Variants in MAP2K2 observed in about 807,000 individuals in gnomAD.
MAP2K2 encodes the protein mitogen-activated protein kinase kinase 2.
Under a neutral mutation model 43.7 loss-of-function variants are expected in MAP2K2, and 24 were observed. The ratio of observed to expected loss-of-function variants is 0.55; its 90% CI spans 0.40 to 0.77. MAP2K2 has a LOEUF of 0.77. MAP2K2 is among the 30% of genes least tolerant of loss of function. The probability of loss-of-function intolerance (pLI) is 0.00; values close to 1 mark genes in which losing one functional copy is unlikely to be tolerated. For missense variants in MAP2K2, 470 were observed against 566.8 expected (o/e 0.83, Z 1.73); for synonymous variants, 244 against 239.7 (o/e 1.02, Z -0.17).
At chr19:4,113,598 G>A (rs1185744577) in intron 2 of MAP2K2, among the ~76,000 whole-genome samples, 1 of 152,196 alleles carries the variant, frequency 6.6e-6, no homozygotes, top group East Asian at 1.9e-4. Context: ...GCTGCCTCGG[G>A]GAACACTGGA....
intron 10 of MAP2K2, among the ~76,000 whole-genome samples, chr19:4,092,351 C>A (rs2040862050): frequency 6.6e-6 from 1 of 152,184 alleles, no homozygotes; most frequent in Non-Finnish European, 1.5e-5. Context: ...ATAATCTCAG[C>A]ACTCTGGGAG....
chr19:4,117,691 A>G (rs1032044003), intron 1 of MAP2K2, 62 bp from the exon 2 acceptor site: 27 of 1,514,312 alleles, frequency 1.8e-5, no homozygotes, highest in African/African-American at 2.7e-5. Flanking sequence ...GCCGTTTGCT[A>G]TGTGGCCGTG....
chr19:4,110,792 G>C (rs888114345), intron 2 of MAP2K2, 137 bp from the exon 3 acceptor site: 5 of 892,776 alleles, frequency 5.6e-6, no homozygotes, highest in Non-Finnish European at 8.5e-6. Flanking sequence ...CCACCCCTAG[G>C]TGTCTGCCTA....
chr19:4,120,881 C>T (rs1207419917), intron 1 of MAP2K2, among the ~76,000 whole-genome samples: 6 of 145,386 alleles, frequency 4.1e-5, no homozygotes. Flanking sequence ...AACGGGTCCC[C>T]GTGTCTGGCT....
At chr19:4,098,595 C>T (rs941550218) in intron 7 of MAP2K2, among the ~76,000 whole-genome samples, 5 of 152,194 alleles carry the variant, frequency 3.3e-5, no homozygotes, top group South Asian at 4.1e-4. Context: ...AGTGTCCGCT[C>T]GGCCCTCTCT....
rs1320925763 is a variant in MAP2K2 at position 4,115,183 on chromosome 19, C to T, written c.303+2236G>A. On this transcript the variant is annotated intron_variant, in intron 2 of 10. Coordinates refer to ENST00000262948, the MANE Select transcript of MAP2K2 (RefSeq NM_030662.4). This position sits in a 1 kb window ranked among gnomAD's most constrained non-coding sequence, Gnocchi z 4.1. ...CCAAGATGACTGACATCTTACATGA[C>T]GGAAGGACAGTACTGACACCCAGAG... Among the ~76,000 whole-genome samples the T allele has an allele frequency of 2.6e-5, 4 of 152,136 alleles. No individual in the cohort carries two copies. The highest frequency in any genetic ancestry group is 3.9e-4 in the East Asian group (2 of 5,186).
At chr19:4,107,597 C>CCTG (rs1048307901) in intron 3 of MAP2K2, among the ~76,000 whole-genome samples, 1 of 150,658 alleles carries the variant, frequency 6.6e-6, no homozygotes, top group Non-Finnish European at 1.5e-5. Flanking sequence ...GTCCCGGCTA[C>CCTG]CTGGAAGGTT....
At chr19:4,121,041 C>T (rs1458875861) in intron 1 of MAP2K2, among the ~76,000 whole-genome samples, 1 of 152,074 alleles carries the variant, frequency 6.6e-6, no homozygotes, top group African/African-American at 2.4e-5. Flanking sequence ...CACCCGGACC[C>T]CAGCCAAGGG....
chr19:4,105,155 C>CGTGTGTGTGTGTGTGTGTGTGTGTGTGT (rs61710801), intron 3 of MAP2K2, among the ~76,000 whole-genome samples: 1 of 137,688 alleles, frequency 7.3e-6, no homozygotes, highest in African/African-American at 3.0e-5. Flanking sequence ...ACACGTCTAC[C>CGTGTGTGTGTGTGTGTGTGTGTGTGTGT]GTGTGTGTGT....
intron 9 of MAP2K2, chr19:4,095,054 C>T (rs537460205): frequency 7.0e-5 from 26 of 369,794 alleles, no homozygotes; most frequent in African/African-American, 4.7e-4. Flanking sequence ...AACCTGCGGG[C>T]GGATCCCGGG....
chr19:4,093,689 ACT>A (rs1459277878), intron 10 of MAP2K2, among the ~76,000 whole-genome samples: 1 of 152,074 alleles, frequency 6.6e-6, no homozygotes, highest in African/African-American at 2.4e-5. Flanking sequence ...ACTCTGTCCG[ACT>A]CTCAAGAAAA....
At chr19:4,116,388 G>T (rs1047361040) in intron 2 of MAP2K2, among the ~76,000 whole-genome samples, 1 of 151,982 alleles carries the variant, frequency 6.6e-6, no homozygotes, top group Non-Finnish European at 1.5e-5. Context: ...AAATTAACTG[G>T]GTGTGGTGGC....
Position 4,115,135 on chromosome 19 carries a change from C to T in MAP2K2, c.303+2284G>A, listed in dbSNP as rs913063896. Among the ~76,000 whole-genome samples, 1 of 152,060 alleles carries T rather than the reference C, an allele frequency of 6.6e-6. No homozygotes were observed. The highest frequency in any genetic ancestry group is 2.4e-5 in the African/African-American group (1 of 41,388). On this transcript the variant is annotated intron_variant, in intron 2 of 10. Coordinates refer to ENST00000262948, the MANE Select transcript of MAP2K2 (RefSeq NM_030662.4). This position sits in a 1 kb window ranked among gnomAD's most constrained non-coding sequence, Gnocchi z 4.1. ...GTTGCAAAAATAGTAACGAGAGTCC[C>T]GTGCGCCCTTTCCCCGCCTCCCCCA...
intron 10 of MAP2K2, 63 bp from the exon 11 acceptor site, chr19:4,090,771 G>C: frequency 1.8e-6 from 2 of 1,110,274 alleles, no homozygotes; most frequent in Non-Finnish European, 2.7e-6. Context: ...GGGAGGGCCA[G>C]CGTCTGCCCA....
intron 2 of MAP2K2, 148 bp from the exon 3 acceptor site, chr19:4,110,803 G>T (rs768894003): frequency 3.8e-6 from 3 of 789,004 alleles, no homozygotes; most frequent in Admixed American, 2.5e-5. Flanking sequence ...TGTCTGCCTA[G>T]AAGTGGACAC....
chr19:4,120,477 C>T (rs1396538883), intron 1 of MAP2K2, among the ~76,000 whole-genome samples: 2 of 152,176 alleles, frequency 1.3e-5, no homozygotes, highest in African/African-American at 2.4e-5. Flanking sequence ...CCGCGCTCAG[C>T]TAATTTTTTT....
chr19:4,123,926 G>T lies in MAP2K2; in HGVS notation c.-51C>A. 8 of 1,145,392 alleles carry T rather than the reference G, an allele frequency of 7.0e-6. No homozygotes were observed. The highest frequency in any genetic ancestry group is 8.9e-6 in the Non-Finnish European group (8 of 895,290). The allele number at this position is 1,145,392 out of a possible 1,614,324, so 71.0% of individuals were successfully genotyped here. ...GGCGCCTCTAGCCGGGGCCCATAGG[G>T]GGCGGGCCGGGAGCGGTCGGCGCCT... is the stretch of plus-strand genomic sequence containing the variant. On this transcript the variant is annotated 5_prime_UTR_variant, in exon 1 of 11. Transcript: ENST00000262948.
intron 3 of MAP2K2, among the ~76,000 whole-genome samples, chr19:4,109,041 G>A (rs1264404763): frequency 1.3e-5 from 2 of 152,204 alleles, no homozygotes; most frequent in East Asian, 1.9e-4. Flanking sequence ...ACATGGCTAC[G>A]TGGGGGCCTT....
chr19:4,099,352 G>C lies in MAP2K2; in HGVS notation c.768C>G (p.Ser256=), dbSNP rs774404449. Residue 256 remains serine, a synonymous_variant, in exon 7 of 11, where the codon TCC becomes TCG. Transcript: ENST00000262948. The stretch of plus-strand genomic sequence containing the variant: ...ACCTTCCGACGGCCAGCTCCACCAG[G>C]GACAGGCCCATGCTCCAGATGTCCG... The part of the protein sequence containing the change: ...VQSDIWSMGL[S]LVELAVGRYP... 3.7e-6 allele frequency: 6 copies of C among 1,611,822 alleles called. No individual in the cohort carries two copies. Among genetic ancestry groups the C allele is most frequent in the Non-Finnish European group, 4.2e-6 (5 of 1,179,330 alleles).
Sources: allele counts gnomAD v4.1 joint callset (sites outside exome capture counted in the v4.1 genomes callset), GRCh38; gene constraint gnomAD v4.1.1; non-coding constraint Gnocchi (gnomAD v3.1); transcripts MANE v1.5; gene names NCBI Gene and HGNC (gene_info 2026-07-23, HGNC 2026-07-21).